The following CACNG5 variants were observed in gnomAD, a reference collection of about 807,000 sequenced individuals.
CACNG5 encodes voltage-dependent calcium channel gamma-5 subunit.
A neutral mutation model predicts 24.8 loss-of-function variants in CACNG5; 18 were observed. That is an observed-to-expected ratio of 0.73 (90% CI 0.50 to 1.08). The LOEUF (loss-of-function observed/expected upper bound fraction) is 1.08, where lower values mean the gene tolerates loss of function less well. CACNG5 is among the 50% of genes least tolerant of loss of function. The probability of loss-of-function intolerance (pLI) is 0.00; values close to 1 mark genes in which losing one functional copy is unlikely to be tolerated. For synonymous variants in CACNG5, 157 were observed against 149.1 expected, an observed-to-expected ratio of 1.05 and a Z score of -0.39; for missense variants, 349 against 367.9, an observed-to-expected ratio of 0.95 and a Z score of 0.42.
chr17:66,865,092 G>A (rs1423508234), intron 1 of CACNG5, among the ~76,000 whole-genome samples: 40 of 152,108 alleles, frequency 2.6e-4, no homozygotes, highest in Admixed American at 2.6e-3. Context: ...TTTTCTTTAT[G>A]TAGCACCGGC....
intron 3 of CACNG5, among the ~76,000 whole-genome samples, chr17:66,879,549 C>A (rs1378577820): frequency 6.6e-6 from 1 of 152,030 alleles, no homozygotes; most frequent in African/African-American, 2.4e-5. Flanking sequence ...CCATCAGGTT[C>A]AATAATTGCA....
At chr17:66,843,419 C>G (rs1275970139) in intron 1 of CACNG5, among the ~76,000 whole-genome samples, 1 of 152,160 alleles carries the variant, frequency 6.6e-6, no homozygotes. Flanking sequence ...TTTTTATTTT[C>G]TGGTTATTGA....
At chr17:66,865,932 C>T (rs1423449972) in intron 1 of CACNG5, among the ~76,000 whole-genome samples, 2 of 151,888 alleles carry the variant, frequency 1.3e-5, no homozygotes, top group Non-Finnish European at 1.5e-5. Flanking sequence ...TGAGCCACCG[C>T]ACCCGGCCAA....
rs1977324041 is a variant in CACNG5 at position 66,890,255 on chromosome 17, T to C, written c.*5015T>C. 6.6e-6 allele frequency among the ~76,000 whole-genome samples: 1 copy of C among 152,082 alleles called. No individual in the cohort carries two copies. On this transcript the variant is annotated 3_prime_UTR_variant, in exon 6 of 6. Transcript: ENST00000533854. ...TAGCAGTGGCTGCTCCAGTGTGCCA[T>C]AGAAGAGACGAGGCTCAGTGGTCAC...
chr17:66,884,406 C>G, intron 4 of CACNG5, 110 bp from the exon 5 acceptor site: 1 of 1,161,900 alleles, frequency 8.6e-7, no homozygotes, highest in Non-Finnish European at 1.2e-6. Context: ...AGCATTGTTA[C>G]CCCAAGGCTG....
chr17:66,883,361 G>T (rs976452472), intron 4 of CACNG5, among the ~76,000 whole-genome samples: 7 of 151,930 alleles, frequency 4.6e-5, no homozygotes, highest in Non-Finnish European at 5.9e-5. Context: ...CAATAAAGAG[G>T]GTTCATTTAG....
chr17:66,878,107 C>T (rs1373698273), intron 2 of CACNG5, among the ~76,000 whole-genome samples: 1 of 152,234 alleles, frequency 6.6e-6, no homozygotes, highest in Non-Finnish European at 1.5e-5. Flanking sequence ...GTTTTGACCC[C>T]ACTTATCTGG....
chr17:66,886,359 G>C lies in CACNG5; in HGVS notation c.*1119G>C, dbSNP rs929397938. On this transcript the variant is annotated 3_prime_UTR_variant, in exon 6 of 6. Transcript: ENST00000533854. Reference sequence around the variant, plus strand: ...CAATTTAATCCTAATATAGAGGAGTGTCTGCTTCCTGGGTGTAGGACAGAT... The same window carrying C: ...CAATTTAATCCTAATATAGAGGAGTCTCTGCTTCCTGGGTGTAGGACAGAT... Among the ~76,000 whole-genome samples the C allele has an allele frequency of 6.6e-6, 1 of 152,192 alleles. No homozygotes were observed. The highest frequency in any genetic ancestry group is 2.4e-5 in the African/African-American group (1 of 41,444).
intron 1 of CACNG5, among the ~76,000 whole-genome samples, chr17:66,858,583 C>T (rs1474971442): frequency 6.6e-6 from 1 of 152,148 alleles, no homozygotes; most frequent in South Asian, 2.1e-4. Context: ...CTGAGGTTAA[C>T]GCTTGTCCTG....
chr17:66,875,516 CT>C (rs1217779436), intron 1 of CACNG5, among the ~76,000 whole-genome samples: 1 of 152,182 alleles, frequency 6.6e-6, no homozygotes, highest in Non-Finnish European at 1.5e-5. Context: ...GCGTGCACCC[CT>C]CAACCCCTTC....
At chr17:66,852,249 C>T (rs950946050) in intron 1 of CACNG5, among the ~76,000 whole-genome samples, 1 of 152,174 alleles carries the variant, frequency 6.6e-6, no homozygotes, top group Non-Finnish European at 1.5e-5. Flanking sequence ...CGCTGTAGGT[C>T]TTCCCTGGTT....
rs1291160765 is a variant in CACNG5, at chr17:66,890,999, G to GGCAGTA, written c.*5765_*5770dup. Among the ~76,000 whole-genome samples, 1 of 152,200 alleles carries GGCAGTA rather than the reference G, an allele frequency of 6.6e-6. No homozygotes were observed. The highest frequency in any genetic ancestry group is 2.4e-5 in the African/African-American group (1 of 41,444). On this transcript the variant is annotated 3_prime_UTR_variant, in exon 6 of 6. Coordinates refer to ENST00000533854, the MANE Select transcript of CACNG5 (RefSeq NM_145811.3). ...TATGCATAATGGAGTGCACATGGCT[G>GGCAGTA]GCAGTAGCAGTGGGGAGACAGTTGG... is the stretch of plus-strand genomic sequence containing the variant.
intron 1 of CACNG5, among the ~76,000 whole-genome samples, chr17:66,873,801 A>G (rs867999719): frequency 6.6e-6 from 1 of 152,000 alleles, no homozygotes; most frequent in Non-Finnish European, 1.5e-5. Context: ...ACAGAACATG[A>G]TGTCTTTTTT....
At chr17:66,861,743 G>T (rs1298456875) in intron 1 of CACNG5, among the ~76,000 whole-genome samples, 1 of 152,230 alleles carries the variant, frequency 6.6e-6, no homozygotes, top group East Asian at 1.9e-4. Flanking sequence ...GCACCCGGTA[G>T]CCATGGGGGC....
chr17:66,881,745 G>T (rs1260807081), intron 4 of CACNG5, among the ~76,000 whole-genome samples: 1 of 151,970 alleles, frequency 6.6e-6, no homozygotes, highest in Admixed American at 6.6e-5. Flanking sequence ...TGTTGGTCAT[G>T]GAAGACTACC....
At chr17:66,858,117 G>T (rs1042936420) in intron 1 of CACNG5, among the ~76,000 whole-genome samples, 1 of 152,092 alleles carries the variant, frequency 6.6e-6, no homozygotes, top group African/African-American at 2.4e-5. Context: ...CTTCTGGGAG[G>T]TTCTGGGCTT....
intron 1 of CACNG5, among the ~76,000 whole-genome samples, chr17:66,856,675 G>A (rs2143061273): frequency 6.6e-6 from 1 of 152,054 alleles, no homozygotes; most frequent in South Asian, 2.1e-4. Flanking sequence ...CCGAGCAGCT[G>A]GGATTACAGG....
At chr17:66,865,924 A>G (rs1976923384) in intron 1 of CACNG5, among the ~76,000 whole-genome samples, 1 of 151,608 alleles carries the variant, frequency 6.6e-6, no homozygotes. Context: ...TACAGGCATG[A>G]GCCACCGCAC....
At chr17:66,868,165 T>C (rs1976954963) in intron 1 of CACNG5, among the ~76,000 whole-genome samples, 2 of 152,196 alleles carry the variant, frequency 1.3e-5, no homozygotes, top group Admixed American at 1.3e-4. Context: ...TTAAGAGCAG[T>C]GACCCTTGCT....
Sources: gnomAD v4.1 joint callset for allele counts (sites outside exome capture counted in the v4.1 genomes callset) on GRCh38, gnomAD v4.1.1 for gene constraint, MANE v1.5 for transcripts, NCBI Gene and HGNC (gene_info 2026-07-23, HGNC 2026-07-21) for gene names.